The following EDNRA variants were observed in gnomAD, a reference collection of about 807,000 sequenced individuals.
The protein encoded by EDNRA is endothelin receptor type A.
In EDNRA, 11 loss-of-function variants were observed where a neutral mutation model predicts 41.4. The ratio of observed to expected loss-of-function variants is 0.27; its 90% CI spans 0.17 to 0.44. The LOEUF is 0.44. Among genes scored for constraint, EDNRA ranks in the 20% least tolerant of loss-of-function variants. The pLI, the probability that EDNRA is intolerant of heterozygous loss-of-function variation, is 1.00. For synonymous variants in EDNRA, 172 were observed against 183.0 expected (o/e 0.94, Z 0.49); for missense variants, 294 against 531.0 (o/e 0.55, Z 4.39).
At chr4:147,520,804 T>C (rs1730298222) in intron 3 of EDNRA, among the ~76,000 whole-genome samples, 1 of 152,240 alleles carries the variant, frequency 6.6e-6, no homozygotes, top group African/African-American at 2.4e-5. Context: ...CTCATCATTA[T>C]AGAAATAAAA....
chr4:147,536,253 A>G (rs1338158276), intron 5 of EDNRA, among the ~76,000 whole-genome samples: 1 of 152,016 alleles, frequency 6.6e-6, no homozygotes, highest in Admixed American at 6.6e-5. Flanking sequence ...ATAGAGAAGA[A>G]CTATCCCTCT....
intron 3 of EDNRA, 118 bp downstream of exon 3, chr4:147,520,096 T>A: frequency 7.7e-7 from 1 of 1,306,972 alleles, no homozygotes. Context: ...TCAAGTGAAT[T>A]AAAGCATTAA....
intron 2 of EDNRA, among the ~76,000 whole-genome samples, chr4:147,497,035 A>G (rs1223944048): frequency 6.6e-6 from 1 of 151,728 alleles, no homozygotes; most frequent in South Asian, 2.1e-4. Flanking sequence ...ATCTAAATAT[A>G]TACTTCTTAT....
rs1379103042 is a variant in EDNRA at position 147,538,494 on chromosome 4, G to A, written c.901-1323G>A. Among the ~76,000 whole-genome samples the A allele has an allele frequency of 2.6e-5, 4 of 152,208 alleles. No homozygotes were observed. In the East Asian group the frequency reaches 7.7e-4, roughly 29 times the overall value. ...GCAAATATCAGACTATCATGGCAGT[G>A]TACTAATACTGCTTTTAAAAGCGTT... On this transcript the variant is annotated intron_variant, in intron 5 of 7. Transcript: ENST00000651419.
At chr4:147,510,443 A>G (rs1729880116) in intron 2 of EDNRA, among the ~76,000 whole-genome samples, 1 of 152,236 alleles carries the variant, frequency 6.6e-6, no homozygotes, top group Non-Finnish European at 1.5e-5. Flanking sequence ...ACCTAATGTT[A>G]TCTCATTTCC....
intron 2 of EDNRA, among the ~76,000 whole-genome samples, chr4:147,509,520 A>G (rs1053045426): frequency 1.3e-5 from 2 of 152,190 alleles, no homozygotes; most frequent in African/African-American, 2.4e-5. Flanking sequence ...GTACCAGTTC[A>G]TGGCCTGTTA....
chr4:147,538,355 G>A (rs545387990), intron 5 of EDNRA, among the ~76,000 whole-genome samples: 7 of 152,216 alleles, frequency 4.6e-5, no homozygotes, highest in East Asian at 3.9e-4. Context: ...TTCATCTAAC[G>A]GGTCAAAACC....
Position 147,542,538 on chromosome 4 carries a change from G to A in EDNRA, c.1204G>A (p.Gly402Arg). 6.2e-7 allele frequency: 1 copy of A among 1,614,042 alleles called. No homozygotes were observed. The highest frequency in any genetic ancestry group is 1.1e-5 in the South Asian group (1 of 91,082). ...TCTGATGACCTCGGTCCCCATGAAC[G>A]GAACAAGCATCCAGTGGAAGAACCA... The part of the protein sequence containing the change: ...KSLMTSVPMN[G>R]TSIQWKNHDQ... Residue 402 changes from glycine (G) to arginine (R), a missense_variant, in exon 8 of 8, where the codon GGA (glycine) becomes AGA (arginine). Physicochemically the swap from Gly to Arg is moderately radical, Grantham distance 125. Around this residue, in one of 3 missense-constraint regions of EDNRA, gnomAD observed 185 missense variants for 390.8 expected, o/e 0.47. Coordinates refer to ENST00000651419, the MANE Select transcript of EDNRA (RefSeq NM_001957.4).
Position 147,542,604 on chromosome 4 carries a change from G to C in EDNRA, c.1270G>C (p.Asp424His), listed in dbSNP as rs1278609613. 1 of 1,613,916 alleles carries C rather than the reference G, an allele frequency of 6.2e-7. No homozygotes were observed. Among genetic ancestry groups the C allele is most frequent in the South Asian group, 1.1e-5 (1 of 91,062 alleles). The change falls in exon 8 of 8, where the codon GAC (aspartate) becomes CAC (histidine). Residue 424 changes from aspartate to histidine, a missense_variant. Transcript: ENST00000651419. ...CAACACAGACCGGAGCAGCCATAAGGACAGCATGAACTGACCACCCTTAGA... is the reference window on the plus strand; with the variant it reads ...CAACACAGACCGGAGCAGCCATAAGCACAGCATGAACTGACCACCCTTAGA... ...NHNTDRSSHK[D>H]SMN
intron 2 of EDNRA, among the ~76,000 whole-genome samples, chr4:147,518,895 ACTTC>A (rs936253884): frequency 2.6e-5 from 4 of 152,186 alleles, no homozygotes; most frequent in African/African-American, 9.6e-5. Context: ...TTCAGCAGGA[ACTTC>A]CTTCCCCCTT....
Position 147,542,657 on chromosome 4 carries a change from C to T in EDNRA, c.*39C>T, listed in dbSNP as rs200186870. On this transcript the variant is annotated 3_prime_UTR_variant, in exon 8 of 8. Transcript: ENST00000651419. ...CACTCCTCGGTACTCCCATAATCCTCTCGGAGAAAAAAATCACAAGGCAAC... is the reference window on the plus strand; with the variant it reads ...CACTCCTCGGTACTCCCATAATCCTTTCGGAGAAAAAAATCACAAGGCAAC... 1.9e-6 allele frequency: 3 copies of T among 1,590,810 alleles called. No individual in the cohort carries two copies. The highest frequency in any genetic ancestry group is 1.4e-5 in the African/African-American group (1 of 74,048).
chr4:147,501,713 C>A (rs1729522615), intron 2 of EDNRA, among the ~76,000 whole-genome samples: 1 of 152,212 alleles, frequency 6.6e-6, no homozygotes, highest in African/African-American at 2.4e-5. Flanking sequence ...AAAGCTGCCT[C>A]ATTTTTTAAA....
chr4:147,500,998 A>G (rs1277179622), intron 2 of EDNRA, among the ~76,000 whole-genome samples: 1 of 152,078 alleles, frequency 6.6e-6, no homozygotes, highest in Non-Finnish European at 1.5e-5. Flanking sequence ...CTGGTGTAAG[A>G]GCCTCTCAGT....
At chr4:147,502,834 A>T (rs142486685) in intron 2 of EDNRA, among the ~76,000 whole-genome samples, 11 of 138,918 alleles carry the variant, frequency 7.9e-5, no homozygotes, top group African/African-American at 3.3e-4. Context: ...AATGGGAGGT[A>T]TCTCTTCAAA....
chr4:147,540,879 C>A (rs980069697), intron 7 of EDNRA, among the ~76,000 whole-genome samples: 1 of 151,796 alleles, frequency 6.6e-6, no homozygotes, highest in African/African-American at 2.4e-5. Flanking sequence ...GCTCACTGAT[C>A]GAGACCATCC....
intron 2 of EDNRA, among the ~76,000 whole-genome samples, chr4:147,518,637 A>T (rs2126446413): frequency 6.6e-6 from 1 of 152,084 alleles, no homozygotes; most frequent in Non-Finnish European, 1.5e-5. Context: ...CTTTCAAAGG[A>T]CTCGTGTTAT....
rs138310731 is a variant in EDNRA at position 147,544,140 on chromosome 4, A to C, written c.*1522A>C. 62 of 152,802 alleles carry C rather than the reference A, an allele frequency of 4.1e-4. No homozygotes were observed. Among genetic ancestry groups the C allele is most frequent in the African/African-American group, 1.5e-3 (62 of 41,576 alleles). The allele number at this position is 152,802 out of a possible 1,614,324, so 9.5% of individuals were successfully genotyped here. A position where few individuals can be genotyped will look rare whatever the true frequency, so the allele number is the denominator to read the frequency against. Reference sequence around the variant, plus strand: ...AATAATTGTGCCCCGCAGTTGTGCCAAAGTGCATAGTCTGAGTAAAATCTA... The same window carrying C: ...AATAATTGTGCCCCGCAGTTGTGCCCAAGTGCATAGTCTGAGTAAAATCTA... On this transcript the variant is annotated 3_prime_UTR_variant, in exon 8 of 8. Coordinates refer to ENST00000651419, the MANE Select transcript of EDNRA (RefSeq NM_001957.4).
At chr4:147,497,058 G>C (rs115341767) in intron 2 of EDNRA, among the ~76,000 whole-genome samples, 1,614 of 148,942 alleles carry the variant, frequency 0.011, 9 homozygotes, top group Middle Eastern at 0.024. Context: ...AATTTTTCTT[G>C]ATCATAACCT....
chr4:147,537,094 T>A (rs1730944348), intron 5 of EDNRA, among the ~76,000 whole-genome samples: 1 of 152,224 alleles, frequency 6.6e-6, no homozygotes, highest in Non-Finnish European at 1.5e-5. Flanking sequence ...CAAAAGTTAA[T>A]GTGAGTTGTT....
Sources: allele counts gnomAD v4.1 joint callset (sites outside exome capture counted in the v4.1 genomes callset), GRCh38; gene constraint gnomAD v4.1.1; regional missense constraint gnomAD v4.1.1; transcripts MANE v1.5; gene names NCBI Gene and HGNC (gene_info 2026-07-23, HGNC 2026-07-21).